CYYR1: variants seen among roughly 807,000 people sequenced by gnomAD.
CYYR1 encodes cysteine and tyrosine-rich protein 1.
Under a neutral mutation model 15.2 loss-of-function variants are expected in CYYR1, and 14 were observed. The observed-to-expected ratio is 0.92, with a 90% CI of 0.61 to 1.44. The LOEUF (loss-of-function observed/expected upper bound fraction) is 1.44, where lower values mean the gene tolerates loss of function less well. Ranked by LOEUF, CYYR1 falls within the 40% of genes most tolerant of loss-of-function variation. The pLI is 0.00. For missense variants in CYYR1, 228 were observed against 209.5 expected, an observed-to-expected ratio of 1.09 and a Z score of -0.54; for synonymous variants, 80 against 77.4, an observed-to-expected ratio of 1.03 and a Z score of -0.18.
Position 26,480,383 on chromosome 21 carries a change from C to T in CYYR1, c.223G>A (p.Gly75Arg), listed in dbSNP as rs1569140262. 1 of 1,613,406 alleles carries T rather than the reference C, an allele frequency of 6.2e-7. No homozygotes were observed. Among genetic ancestry groups the T allele is most frequent in the Admixed American group, 1.7e-5 (1 of 59,940 alleles). ...CATATGGCAATCCCAGCAATGACCC[C>T]CATGATAAATACTATTCCAAAAACA... ...GIVFGIVFIM[G>R]VIAGIAICIC... Residue 75 changes from glycine to arginine, a missense_variant, in exon 3 of 4, where the codon GGG (glycine) becomes AGG (arginine). Coordinates refer to ENST00000652641, the MANE Select transcript of CYYR1 (RefSeq NM_001320768.2).
At chr21:26,489,887 G>A (rs2065303637) in intron 2 of CYYR1, among the ~76,000 whole-genome samples, 2 of 152,200 alleles carry the variant, frequency 1.3e-5, no homozygotes, top group South Asian at 4.2e-4. Flanking sequence ...TTACATGAGG[G>A]AGAAACAAAC....
At chr21:26,489,192 T>G (rs1016464451) in intron 2 of CYYR1, among the ~76,000 whole-genome samples, 7 of 152,166 alleles carry the variant, frequency 4.6e-5, no homozygotes, top group Non-Finnish European at 1.5e-5. Context: ...GAATTAAACT[T>G]TATGGCTCAG....
chr21:26,519,038 C>G (rs1240567730), intron 2 of CYYR1, among the ~76,000 whole-genome samples: 1 of 152,080 alleles, frequency 6.6e-6, no homozygotes, highest in African/African-American at 2.4e-5. Flanking sequence ...AAGATAGTTC[C>G]AAGTCTTATA....
At chr21:26,571,433 G>T (rs1981001551) in intron 1 of CYYR1, among the ~76,000 whole-genome samples, 1 of 152,232 alleles carries the variant, frequency 6.6e-6, no homozygotes, top group African/African-American at 2.4e-5. Context: ...GAGCCCTGAG[G>T]AGCTGGGCAC....
intron 3 of CYYR1, among the ~76,000 whole-genome samples, chr21:26,476,136 T>C (rs1347118319): frequency 6.6e-6 from 1 of 152,160 alleles, no homozygotes; most frequent in Non-Finnish European, 1.5e-5. Context: ...TATTTCTTAA[T>C]GAAGTATTTC....
At chr21:26,556,610 G>C (rs547069795) in intron 2 of CYYR1, among the ~76,000 whole-genome samples, 1 of 152,058 alleles carries the variant, frequency 6.6e-6, no homozygotes, top group Non-Finnish European at 1.5e-5. Context: ...CGGTGAAGGG[G>C]AATCAGGCAC....
At chr21:26,532,472 A>G (rs1235102640) in intron 2 of CYYR1, among the ~76,000 whole-genome samples, 5 of 152,150 alleles carry the variant, frequency 3.3e-5, no homozygotes, top group Non-Finnish European at 7.4e-5. Context: ...TCTTATCCCT[A>G]GAGGACCCGT....
chr21:26,468,486 G>A lies in CYYR1; in HGVS notation c.*15C>T, dbSNP rs369295653. ...AAGATCGCCCATTGGCACATGTTCT[G>A]TTCTGGGAGATAGATTATTTCCTTG... On this transcript the variant is annotated 3_prime_UTR_variant, in exon 4 of 4. Transcript: ENST00000652641. 12 of 1,482,092 alleles carry A rather than the reference G, an allele frequency of 8.1e-6. No homozygotes were observed. Among genetic ancestry groups the A allele is most frequent in the African/African-American group, 2.8e-5 (2 of 72,350 alleles). The allele number at this position is 1,482,092 out of a possible 1,614,324, so 91.8% of individuals were successfully genotyped here. A position where few individuals can be genotyped will look rare whatever the true frequency, so the allele number is the denominator to read the frequency against.
chr21:26,496,582 C>A lies in CYYR1; in HGVS notation c.177-16153G>T, dbSNP rs114117669. Among the ~76,000 whole-genome samples, 1,370 of 151,996 alleles carry A rather than the reference C, an allele frequency of 9.0e-3. 21 individuals are homozygous for A. Among genetic ancestry groups the A allele is most frequent in the African/African-American group, 0.03 (1,253 of 41,468 alleles). ...TGGTAAATATACAAAACTAGTAAAC[C>A]TTAACAAGATGTTACAGAAATAGAG... On this transcript the variant is annotated intron_variant, in intron 2 of 3. Coordinates refer to ENST00000652641, the MANE Select transcript of CYYR1 (RefSeq NM_001320768.2).
chr21:26,480,146 G>T, intron 3 of CYYR1, 126 bp downstream of exon 3: 1 of 948,130 alleles, frequency 1.1e-6, no homozygotes, highest in Non-Finnish European at 1.5e-6. Context: ...CAATCTACAT[G>T]TACCTAGAAA....
intron 2 of CYYR1, among the ~76,000 whole-genome samples, chr21:26,553,689 G>A (rs1239429387): frequency 6.6e-6 from 1 of 152,094 alleles, no homozygotes; most frequent in Non-Finnish European, 1.5e-5. Flanking sequence ...GCTGCTTCGT[G>A]CATTCTGTCC....
chr21:26,564,533 G>T, intron 2 of CYYR1: 1 of 364,710 alleles, frequency 2.7e-6, no homozygotes, highest in Non-Finnish European at 3.8e-6. Context: ...TGAGATTAAA[G>T]ATATAGAACA....
At chr21:26,540,599 A>C (rs1345473709) in intron 2 of CYYR1, among the ~76,000 whole-genome samples, 1 of 152,184 alleles carries the variant, frequency 6.6e-6, no homozygotes, top group East Asian at 1.9e-4. Context: ...TAAGGCTAAA[A>C]AGAACCGAAC....
At chr21:26,475,808 G>A (rs897777227) in intron 3 of CYYR1, among the ~76,000 whole-genome samples, 7 of 152,094 alleles carry the variant, frequency 4.6e-5, no homozygotes, top group Admixed American at 2.6e-4. Flanking sequence ...TACTAAAAAC[G>A]TCTGCCTGGG....
Position 26,520,677 on chromosome 21 carries a change from C to T in CYYR1, c.177-40248G>A, listed in dbSNP as rs533145669. 3.3e-5 allele frequency among the ~76,000 whole-genome samples: 5 copies of T among 152,278 alleles called. No individual in the cohort carries two copies. The South Asian group carries it at 6.2e-4, about 19-fold the overall frequency. On this transcript the variant is annotated intron_variant, in intron 2 of 3. Coordinates refer to ENST00000652641, the MANE Select transcript of CYYR1 (RefSeq NM_001320768.2). Reference sequence around the variant, plus strand: ...CATACTATCTTCCACAATGGTTGAACGAATTTACATTCCCACCAACAGTGT... The same window carrying T: ...CATACTATCTTCCACAATGGTTGAATGAATTTACATTCCCACCAACAGTGT...
intron 2 of CYYR1, among the ~76,000 whole-genome samples, chr21:26,553,654 A>T (rs1979555871): frequency 6.6e-6 from 1 of 152,064 alleles, no homozygotes. Flanking sequence ...ACCTGCTAGT[A>T]TTTACTTTCC....
rs1226275096 is a variant in CYYR1 at position 26,485,533 on chromosome 21, T to C, written c.177-5104A>G. On this transcript the variant is annotated intron_variant, in intron 2 of 3. Coordinates refer to ENST00000652641, the MANE Select transcript of CYYR1 (RefSeq NM_001320768.2). Reference sequence around the variant, plus strand: ...GTATCAGCAATCTGTTCTCCGTTTCTGTAATTTAGTCATTTCAAGAAGATT... The same window carrying C: ...GTATCAGCAATCTGTTCTCCGTTTCCGTAATTTAGTCATTTCAAGAAGATT... 2.0e-5 allele frequency among the ~76,000 whole-genome samples: 3 copies of C among 152,118 alleles called. No homozygotes were observed. The East Asian group carries it at 5.8e-4, about 29-fold the overall frequency.
chr21:26,497,145 C>A (rs1569148237), intron 2 of CYYR1, among the ~76,000 whole-genome samples: 1 of 152,106 alleles, frequency 6.6e-6, no homozygotes, highest in Non-Finnish European at 1.5e-5. Flanking sequence ...TTCTTAGTAA[C>A]TTTGGTCCTT....
chr21:26,556,015 A>C (rs1258459865), intron 2 of CYYR1, among the ~76,000 whole-genome samples: 1 of 152,180 alleles, frequency 6.6e-6, no homozygotes, highest in Non-Finnish European at 1.5e-5. Context: ...ACATGACAGG[A>C]GGTTAAATTA....
Sources: gnomAD v4.1 joint callset for allele counts (sites outside exome capture counted in the v4.1 genomes callset) on GRCh38, gnomAD v4.1.1 for gene constraint, MANE v1.5 for transcripts, NCBI Gene and HGNC (gene_info 2026-07-23, HGNC 2026-07-21) for gene names.